CDK5RAP2: variants seen among roughly 807,000 people sequenced by gnomAD.
CDK5RAP2 encodes the protein CDK5 regulatory subunit associated protein 2.
A neutral mutation model predicts 232.9 loss-of-function variants in CDK5RAP2; 147 were observed. The observed-to-expected ratio is 0.63, with a 90% CI of 0.55 to 0.72. CDK5RAP2 has a LOEUF of 0.72. Among genes scored for constraint, CDK5RAP2 ranks in the 30% least tolerant of loss-of-function variants. The probability of loss-of-function intolerance (pLI) is 0.00; values close to 1 mark genes in which losing one functional copy is unlikely to be tolerated. For missense variants in CDK5RAP2, 2,195 were observed against 2,231.5 expected, an observed-to-expected ratio of 0.98 and a Z score of 0.33; for synonymous variants, 833 against 833.7, an observed-to-expected ratio of 1.00 and a Z score of 0.01.
chr9:120,555,216 C>G (rs1297113359), intron 3 of CDK5RAP2, among the ~76,000 whole-genome samples: 1 of 152,160 alleles, frequency 6.6e-6, no homozygotes, highest in Non-Finnish European at 1.5e-5. Flanking sequence ...ACTGCAACTT[C>G]TGTCTCCCCG....
At chr9:120,421,221 GC>G (rs1344108643) in intron 26 of CDK5RAP2, among the ~76,000 whole-genome samples, 1 of 152,118 alleles carries the variant, frequency 6.6e-6, no homozygotes, top group Non-Finnish European at 1.5e-5. Flanking sequence ...TTTGCCTCAG[GC>G]TTGGACATTC....
intron 3 of CDK5RAP2, among the ~76,000 whole-genome samples, chr9:120,552,709 G>T (rs2042089410): frequency 9.3e-6 from 1 of 107,880 alleles, no homozygotes; most frequent in East Asian, 3.4e-4. Flanking sequence ...GGGGGGAGGG[G>T]GGAGGGATAG....
chr9:120,502,326 G>A (rs1331501346), intron 12 of CDK5RAP2, among the ~76,000 whole-genome samples: 1 of 152,176 alleles, frequency 6.6e-6, no homozygotes. Flanking sequence ...TGAGTAAAGA[G>A]TGTGCACTTT....
chr9:120,489,286 C>T (rs774098328), intron 13 of CDK5RAP2, among the ~76,000 whole-genome samples: 2 of 152,206 alleles, frequency 1.3e-5, no homozygotes, highest in Non-Finnish European at 2.9e-5. Flanking sequence ...CTCTCTTTAT[C>T]CCTCTGTTCT....
At chr9:120,391,644 C>T (rs1447949391) in intron 36 of CDK5RAP2, among the ~76,000 whole-genome samples, 3 of 152,180 alleles carry the variant, frequency 2.0e-5, no homozygotes, top group Admixed American at 2.0e-4. Flanking sequence ...GGCCCCAGGG[C>T]ATCAGGACTC....
intron 27 of CDK5RAP2, among the ~76,000 whole-genome samples, chr9:120,418,079 C>G (rs967475015): frequency 1.2e-4 from 19 of 152,162 alleles, no homozygotes; most frequent in African/African-American, 4.3e-4. Flanking sequence ...ACTAAATTAT[C>G]TCTCTACCGA....
At chr9:120,401,589 C>T (rs1444296089) in intron 34 of CDK5RAP2, among the ~76,000 whole-genome samples, 1 of 91,262 alleles carries the variant, frequency 1.1e-5, no homozygotes, top group Non-Finnish European at 2.0e-5. Context: ...CCAGCCTGGA[C>T]AACATGGCCA....
chr9:120,496,399 C>T (rs2039242078), intron 12 of CDK5RAP2, among the ~76,000 whole-genome samples: 2 of 148,314 alleles, frequency 1.3e-5, no homozygotes, highest in African/African-American at 4.9e-5. Context: ...GTCAGCCCCC[C>T]CGCCCAGCCA....
chr9:120,420,874 T>C (rs908158821), intron 26 of CDK5RAP2, among the ~76,000 whole-genome samples: 1 of 152,180 alleles, frequency 6.6e-6, no homozygotes, highest in African/African-American at 2.4e-5. Flanking sequence ...TTAATTGACT[T>C]AGAAGTGGCC....
chr9:120,579,847 G>A (rs1022698058), intron 1 of CDK5RAP2, 73 bp downstream of exon 1: 11 of 1,264,794 alleles, frequency 8.7e-6, no homozygotes, highest in Admixed American at 8.6e-5. Flanking sequence ...AAACCCCAAG[G>A]CCGCGTTAGA....
At chr9:120,576,124 G>A (rs536071021) in intron 1 of CDK5RAP2, among the ~76,000 whole-genome samples, 2 of 152,302 alleles carry the variant, frequency 1.3e-5, no homozygotes, top group Admixed American at 1.3e-4. Flanking sequence ...ACTTTTGAAA[G>A]GATGTGTATT....
intron 5 of CDK5RAP2, among the ~76,000 whole-genome samples, chr9:120,543,719 A>G (rs1273380961): frequency 6.6e-6 from 1 of 152,134 alleles, no homozygotes; most frequent in Non-Finnish European, 1.5e-5. Context: ...TTAGCTGAGC[A>G]TGGCGGCACA....
chr9:120,507,989 A>G (rs957216817), intron 12 of CDK5RAP2, among the ~76,000 whole-genome samples: 12 of 141,838 alleles, frequency 8.5e-5, no homozygotes, highest in Non-Finnish European at 1.8e-4. Context: ...TTGAAAAATA[A>G]CATGTTCTAA....
At chr9:120,491,656 T>C (rs1394317994) in intron 12 of CDK5RAP2, among the ~76,000 whole-genome samples, 179 bp from the exon 13 acceptor site, 2 of 152,196 alleles carry the variant, frequency 1.3e-5, no homozygotes, top group African/African-American at 4.8e-5. Context: ...ATAAGAATAA[T>C]CTGAAATTTG....
At chr9:120,549,379 A>C (rs1025550609) in intron 4 of CDK5RAP2, among the ~76,000 whole-genome samples, 1 of 152,216 alleles carries the variant, frequency 6.6e-6, no homozygotes, top group African/African-American at 2.4e-5. Context: ...TTTTCAGTGT[A>C]TATCTCTTAG....
chr9:120,528,383 TGAAAG>T (rs1282046036), intron 9 of CDK5RAP2, among the ~76,000 whole-genome samples: 1 of 152,208 alleles, frequency 6.6e-6, no homozygotes, highest in Non-Finnish European at 1.5e-5. Flanking sequence ...ATAATGGATG[TGAAAG>T]CACTTTCTAA....
At chr9:120,577,855 C>T (rs2043092821) in intron 1 of CDK5RAP2, among the ~76,000 whole-genome samples, 1 of 151,846 alleles carries the variant, frequency 6.6e-6, no homozygotes, top group Admixed American at 6.6e-5. Context: ...AAGTGTCTGG[C>T]CAAAAAGCAC....
chr9:120,560,404 C>T lies in CDK5RAP2; in HGVS notation c.195+7917G>A, dbSNP rs1282722161. On this transcript the variant is annotated intron_variant, in intron 3 of 37. Transcript: ENST00000349780. ...AAGGGAAGAGATCTTCTCCAACCCA[C>T]CCATACTGCTGTCTCAAGGCCTGTG... 5.3e-5 allele frequency among the ~76,000 whole-genome samples: 8 copies of T among 152,270 alleles called. 1 individual carries two copies. In the East Asian group the frequency reaches 1.4e-3, roughly 26 times the overall value.
chr9:120,507,699 G>GA (rs1242592349), intron 12 of CDK5RAP2, among the ~76,000 whole-genome samples: 3 of 150,606 alleles, frequency 2.0e-5, no homozygotes, highest in Non-Finnish European at 4.4e-5. Flanking sequence ...GTTTACACAG[G>GA]AAAAAAAAGA....
Sources: allele counts gnomAD v4.1 joint callset (sites outside exome capture counted in the v4.1 genomes callset), GRCh38; gene constraint gnomAD v4.1.1; transcripts MANE v1.5; gene names NCBI Gene and HGNC (gene_info 2026-07-23, HGNC 2026-07-21).